Variants in FAM161A observed in about 807,000 individuals in gnomAD.
FAM161A encodes protein FAM161A.
Under a neutral mutation model 70.9 loss-of-function variants are expected in FAM161A, and 57 were observed. The ratio of observed to expected loss-of-function variants is 0.80; its 90% CI spans 0.65 to 1.00. FAM161A has a LOEUF of 1.00. Ranked by LOEUF, FAM161A falls within the 50% of genes least tolerant of loss-of-function variation. The pLI is 0.00. For synonymous variants in FAM161A, 299 were observed against 295.7 expected (o/e 1.01, Z -0.12); for missense variants, 880 against 836.0 (o/e 1.05, Z -0.65).
At chr2:61,818,600 G>C in the FAM161A span, among the ~76,000 whole-genome samples, 1 of 152,064 alleles carries the variant, frequency 6.6e-6, no homozygotes, top group African/African-American at 2.4e-5. Context: ...TTTAATGATG[G>C]TAACACATTA....
chr2:61,821,961 G>T (rs1672211812), downstream of FAM161A, among the ~76,000 whole-genome samples: 1 of 151,308 alleles, frequency 6.6e-6, no homozygotes, highest in South Asian at 2.1e-4. Flanking sequence ...TAGAGACAGG[G>T]TTTTACCATG....
intron 5 of FAM161A, among the ~76,000 whole-genome samples, chr2:61,833,925 C>A (rs994246731): frequency 6.6e-6 from 1 of 152,098 alleles, no homozygotes; most frequent in Non-Finnish European, 1.5e-5. Context: ...ACTTGGGATG[C>A]TCATACTGGG....
the FAM161A span, among the ~76,000 whole-genome samples, chr2:61,804,004 C>T: frequency 5.3e-5 from 8 of 152,144 alleles, no homozygotes; most frequent in East Asian, 1.9e-4. Context: ...AATAAAAGAA[C>T]GGCTACTCCA....
chr2:61,836,207 G>A (rs375814416), intron 4 of FAM161A, 98 bp from the exon 5 acceptor site: 28 of 632,410 alleles, frequency 4.4e-5, no homozygotes, highest in South Asian at 6.3e-5. Context: ...CAAAGTCAAT[G>A]AAAAAAAAGA....
chr2:61,835,969 A>C, intron 5 of FAM161A, 41 bp downstream of exon 5: 3 of 1,437,124 alleles, frequency 2.1e-6, no homozygotes, highest in East Asian at 2.3e-5. Flanking sequence ...AAAAAAAAAA[A>C]AAAAAACTGA....
At chr2:61,817,324 A>G in the FAM161A span, among the ~76,000 whole-genome samples, 1 of 152,228 alleles carries the variant, frequency 6.6e-6, no homozygotes, top group African/African-American at 2.4e-5. Context: ...AGATAATACT[A>G]TTAACACAGC....
At chr2:61,806,125 G>A in the FAM161A span, among the ~76,000 whole-genome samples, 1 of 152,126 alleles carries the variant, frequency 6.6e-6, no homozygotes, top group Non-Finnish European at 1.5e-5. Context: ...GGCTGAGGCA[G>A]GAGAATCGCT....
At chr2:61,820,910 A>G (rs1025845592), downstream of FAM161A, among the ~76,000 whole-genome samples, 3 of 152,200 alleles carry the variant, frequency 2.0e-5, no homozygotes, top group African/African-American at 4.8e-5. Flanking sequence ...TAAGTGTTGA[A>G]AAGGAAGAAA....
In FAM161A at chr2:61,839,390, AGTCAGTCAGTACTGCGTCCTAC is replaced by A; in HGVS notation, c.1583+9_1583+30del. The A allele has an allele frequency of 6.2e-7, 1 of 1,606,980 alleles. No homozygotes were observed. The highest frequency in any genetic ancestry group is 8.5e-7 in the Non-Finnish European group (1 of 1,174,288). ...TGCATACACTCATCTGGCAACCATG[AGTCAGTCAGTACTGCGTCCTAC>A]TTACTTACCTTACGGCTTGTTCTCG... is the stretch of plus-strand genomic sequence containing the variant. On this transcript the variant is annotated intron_variant, in intron 3 of 6. Coordinates refer to ENST00000404929, the MANE Select transcript of FAM161A (RefSeq NM_001201543.2).
chr2:61,848,741 G>A (rs1356412227), intron 1 of FAM161A, among the ~76,000 whole-genome samples: 3 of 140,152 alleles, frequency 2.1e-5, no homozygotes, highest in South Asian at 2.2e-4. Context: ...GTACTAACAT[G>A]GGTAAACTCC....
At chr2:61,830,137 C>T (rs1023956004) in intron 5 of FAM161A, among the ~76,000 whole-genome samples, 17 of 152,096 alleles carry the variant, frequency 1.1e-4, no homozygotes, top group African/African-American at 3.9e-4. Context: ...TATTAATTGT[C>T]TACCCAGGGT....
At chr2:61,853,329 A>G (rs1673562830) in intron 1 of FAM161A, among the ~76,000 whole-genome samples, 1 of 152,096 alleles carries the variant, frequency 6.6e-6, no homozygotes, top group South Asian at 2.1e-4. Context: ...GTCTCGCTGT[A>G]CCCTAAAGAG....
At chr2:61,800,487 T>C in the FAM161A span, among the ~76,000 whole-genome samples, 1 of 152,166 alleles carries the variant, frequency 6.6e-6, no homozygotes, top group African/African-American at 2.4e-5. Context: ...TTCATCTTCA[T>C]GGTGGCAAGA....
Position 61,840,550 on chromosome 2 carries a change from C to T in FAM161A, c.454G>A (p.Val152Ile), listed in dbSNP as rs1343450969. ...TCTGAAAATGATGTCATTAATGAGA[C>T]AGGGTGATAGGAGTTCTTTTCTGAT... The part of the protein sequence containing the change: ...SVSEKNSYHP[V>I]SLMTSFSEPD... The change falls in exon 3 of 7, where the codon GTC becomes ATC. Residue 152 changes from valine to isoleucine, a missense_variant. Coordinates refer to ENST00000404929, the MANE Select transcript of FAM161A (RefSeq NM_001201543.2). 3.7e-6 allele frequency: 6 copies of T among 1,612,910 alleles called. No homozygotes were observed. The African/African-American group carries it at 8.0e-5, about 22-fold the overall frequency.
rs1042819630 is a variant in FAM161A at position 61,824,907 on chromosome 2, C to T, written c.*1548G>A. On this transcript the variant is annotated 3_prime_UTR_variant, in exon 7 of 7. Coordinates refer to ENST00000404929, the MANE Select transcript of FAM161A (RefSeq NM_001201543.2). ...ACCTACCATATGTACAATACTGTTC[C>T]AAATATTAAGGGAATACAAAGATGA... 2.2e-6 allele frequency: 1 copy of T among 449,974 alleles called. No homozygotes were observed. Among genetic ancestry groups the T allele is most frequent in the Non-Finnish European group, 4.4e-6 (1 of 225,850 alleles). 27.9% of individuals were successfully genotyped at this position (449,974 alleles called of 1,614,324 possible). A position where few individuals can be genotyped will look rare whatever the true frequency, so the allele number is the denominator to read the frequency against.
chr2:61,824,852 T>C lies in FAM161A; in HGVS notation c.*1603A>G, dbSNP rs1672289202. 1 of 400,302 alleles carries C rather than the reference T, an allele frequency of 2.5e-6. No homozygotes were observed. The highest frequency in any genetic ancestry group is 4.8e-6 in the Non-Finnish European group (1 of 206,678). 24.8% of individuals were successfully genotyped at this position (400,302 alleles called of 1,614,324 possible). On this transcript the variant is annotated 3_prime_UTR_variant, in exon 7 of 7. Transcript: ENST00000404929. Reference sequence around the variant, plus strand: ...TGTAAGTATATAAAAACCATATTCATCTACACACTCATTCAAACCTTTATT... The same window carrying C: ...TGTAAGTATATAAAAACCATATTCACCTACACACTCATTCAAACCTTTATT...
chr2:61,815,323 C>T, the FAM161A span, among the ~76,000 whole-genome samples: 1 of 152,074 alleles, frequency 6.6e-6, no homozygotes, highest in Non-Finnish European at 1.5e-5. Flanking sequence ...AAATGCCATG[C>T]CAGTATGCTG....
the FAM161A span, among the ~76,000 whole-genome samples, chr2:61,808,027 C>A: frequency 6.6e-6 from 1 of 152,084 alleles, no homozygotes; most frequent in Non-Finnish European, 1.5e-5. Context: ...GTCTGGGGTC[C>A]CCCAAAAGCT....
chr2:61,840,197 G>C lies in FAM161A; in HGVS notation c.807C>G (p.Leu269=), dbSNP rs1206148397. The C allele has an allele frequency of 1.9e-6, 3 of 1,613,780 alleles. No homozygotes were observed. The highest frequency in any genetic ancestry group is 2.5e-6 in the Non-Finnish European group (3 of 1,179,966). Residue 269 remains leucine, a synonymous_variant, in exon 3 of 7, where the codon CTC becomes CTG. Coordinates refer to ENST00000404929, the MANE Select transcript of FAM161A (RefSeq NM_001201543.2). ...ACTCTGGATCCTCTTCTTGTTTTTT[G>C]AGCGCTTTATGTACCATTTCGATAT... is the stretch of plus-strand genomic sequence containing the variant. The part of the protein sequence containing the change: ...KSDIEMVHKA[L]KKQEEDPEYK...
Sources: gnomAD v4.1 joint callset for allele counts (sites outside exome capture counted in the v4.1 genomes callset) on GRCh38, gnomAD v4.1.1 for gene constraint, MANE v1.5 for transcripts, NCBI Gene and HGNC (gene_info 2026-07-23, HGNC 2026-07-21) for gene names.